The following GRM1 variants were observed in gnomAD, a reference collection of about 807,000 sequenced individuals.
The protein encoded by GRM1 is glutamate metabotropic receptor 1.
GRM1 carries 33 observed loss-of-function variants against 90.9 expected under a neutral mutation model. That is an observed-to-expected ratio of 0.36 (90% confidence interval 0.28 to 0.49). The LOEUF is 0.49. Among genes scored for constraint, GRM1 ranks in the 20% least tolerant of loss-of-function variants. The pLI is 0.99. For synonymous variants in GRM1, 700 were observed against 613.2 expected, an observed-to-expected ratio of 1.14 and a Z score of -2.09; for missense variants, 1,190 against 1,534.3, an observed-to-expected ratio of 0.78 and a Z score of 3.75.
At chr6:146,397,484 G>GAAAAAAAAAAAAAAAAAAAAAA (rs577471775) in intron 6 of GRM1, among the ~76,000 whole-genome samples, 1 of 45,032 alleles carries the variant, frequency 2.2e-5, no homozygotes. Context: ...AAAAAAAAAA[G>GAAAAAAAAAAAAAAAAAAAAAA]AAAAAAAAAA....
chr6:146,340,870 G>A (rs555750458), intron 3 of GRM1, among the ~76,000 whole-genome samples: 6 of 152,300 alleles, frequency 3.9e-5, no homozygotes, highest in South Asian at 2.1e-4. Flanking sequence ...AACCTCACTC[G>A]TAGCTTAGCA....
At chr6:146,128,793 T>C (rs1460444693) in intron 1 of GRM1, among the ~76,000 whole-genome samples, 7 of 152,274 alleles carry the variant, frequency 4.6e-5, no homozygotes, top group Non-Finnish European at 5.9e-5. Flanking sequence ...TGAGAATCTT[T>C]CGTTTTAAAA....
intron 7 of GRM1, among the ~76,000 whole-genome samples, chr6:146,418,531 T>C (rs1186895906): frequency 1.3e-5 from 2 of 151,896 alleles, no homozygotes; most frequent in African/African-American, 4.8e-5. Context: ...CACGTATACA[T>C]ACATGCATAT....
chr6:146,128,019 A>C (rs1776259882), intron 1 of GRM1, among the ~76,000 whole-genome samples: 1 of 152,068 alleles, frequency 6.6e-6, no homozygotes, highest in African/African-American at 2.4e-5. Flanking sequence ...GGAACCTCAG[A>C]ATGTGGCTGG....
intron 2 of GRM1, among the ~76,000 whole-genome samples, chr6:146,255,307 TTTAG>T (rs991942897): frequency 2.6e-5 from 4 of 152,196 alleles, no homozygotes; most frequent in African/African-American, 9.7e-5. Context: ...TATTTTTTAT[TTTAG>T]TTAGTCTTTC....
intron 1 of GRM1, among the ~76,000 whole-genome samples, chr6:146,119,491 T>A (rs557124880): frequency 6.6e-6 from 1 of 152,318 alleles, no homozygotes; most frequent in African/African-American, 2.4e-5. Context: ...TTGCTTTTGG[T>A]GTTTTAGATA....
chr6:146,135,615 C>T (rs988121580), intron 1 of GRM1, among the ~76,000 whole-genome samples: 3 of 152,146 alleles, frequency 2.0e-5, no homozygotes, highest in African/African-American at 7.2e-5. Flanking sequence ...CAGAACCAAC[C>T]ACTGGTTAGG....
At chr6:146,366,687 A>G (rs1484575577) in intron 5 of GRM1, among the ~76,000 whole-genome samples, 1 of 152,114 alleles carries the variant, frequency 6.6e-6, no homozygotes, top group African/African-American at 2.4e-5. Flanking sequence ...CCTATTGGCC[A>G]TTTGTATATC....
At chr6:146,307,265 T>C (rs1783611124) in intron 3 of GRM1, among the ~76,000 whole-genome samples, 1 of 152,208 alleles carries the variant, frequency 6.6e-6, no homozygotes, top group Non-Finnish European at 1.5e-5. Context: ...GATTACAATC[T>C]TTATGAAACA....
chr6:146,356,131 G>C (rs995597971), intron 4 of GRM1, among the ~76,000 whole-genome samples: 1 of 152,144 alleles, frequency 6.6e-6, no homozygotes, highest in Admixed American at 6.6e-5. Context: ...GTACAAAGTT[G>C]TTCTCCAGTA....
At chr6:146,286,215 A>G (rs1161054452) in intron 2 of GRM1, among the ~76,000 whole-genome samples, 1 of 152,164 alleles carries the variant, frequency 6.6e-6, no homozygotes, top group African/African-American at 2.4e-5. Context: ...CATTACTGAC[A>G]CCTAAATATG....
intron 3 of GRM1, among the ~76,000 whole-genome samples, chr6:146,329,212 T>C (rs1222999721): frequency 6.6e-6 from 1 of 152,226 alleles, no homozygotes; most frequent in Non-Finnish European, 1.5e-5. Flanking sequence ...GAGTGTGTGA[T>C]ACACAGAGTT....
chr6:146,295,854 G>C (rs1309645518), intron 2 of GRM1, among the ~76,000 whole-genome samples: 1 of 152,006 alleles, frequency 6.6e-6, no homozygotes, highest in African/African-American at 2.4e-5. Flanking sequence ...GTACCCAATT[G>C]TTATTTTTTT....
intron 2 of GRM1, among the ~76,000 whole-genome samples, chr6:146,199,602 C>G (rs1430405805): frequency 6.6e-6 from 1 of 152,122 alleles, no homozygotes; most frequent in African/African-American, 2.4e-5. Flanking sequence ...CAGAGTTATA[C>G]TGGGATGTAG....
chr6:146,121,999 G>T (rs961274902), intron 1 of GRM1, among the ~76,000 whole-genome samples: 1 of 152,080 alleles, frequency 6.6e-6, no homozygotes, highest in Non-Finnish European at 1.5e-5. Context: ...TTAACTTTCT[G>T]TCTCGTTGAT....
intron 2 of GRM1, among the ~76,000 whole-genome samples, chr6:146,254,326 T>C (rs1781407848): frequency 6.6e-6 from 1 of 152,076 alleles, no homozygotes; most frequent in Non-Finnish European, 1.5e-5. Context: ...CCCTTCCAGC[T>C]TCCACACTGG....
intron 1 of GRM1, among the ~76,000 whole-genome samples, chr6:146,098,799 C>T (rs1420921827): frequency 6.6e-6 from 1 of 151,870 alleles, no homozygotes; most frequent in Non-Finnish European, 1.5e-5. Context: ...AGGCTTTTCC[C>T]CCTTTTTCTT....
At chr6:146,321,065 C>T (rs1156618286) in intron 3 of GRM1, among the ~76,000 whole-genome samples, 1 of 151,808 alleles carries the variant, frequency 6.6e-6, no homozygotes, top group Admixed American at 6.6e-5. Flanking sequence ...TGTGATGTTA[C>T]GGTATTGATT....
chr6:146,286,910 A>C (rs796535352), intron 2 of GRM1, among the ~76,000 whole-genome samples: 10 of 152,342 alleles, frequency 6.6e-5, no homozygotes, highest in African/African-American at 2.4e-4. Flanking sequence ...TGGCAGGCAT[A>C]TTATCCCTCT....
Sources: allele counts gnomAD v4.1 joint callset (sites outside exome capture counted in the v4.1 genomes callset), GRCh38; gene constraint gnomAD v4.1.1; transcripts MANE v1.5; gene names NCBI Gene and HGNC (gene_info 2026-07-23, HGNC 2026-07-21).